The following BTD variants were observed in gnomAD, a reference collection of about 807,000 sequenced individuals.
BTD encodes the protein biocytinase.
Under a neutral mutation model 17.7 loss-of-function variants are expected in BTD, and 13 were observed. That is an observed-to-expected ratio of 0.74 (90% CI 0.48 to 1.17). The LOEUF is 1.17. BTD is among the 50% of genes most tolerant of loss of function. BTD has a pLI of 0.00. For missense variants in BTD, 674 were observed against 650.4 expected, an observed-to-expected ratio of 1.04 and a Z score of -0.39; for synonymous variants, 240 against 245.2, an observed-to-expected ratio of 0.98 and a Z score of 0.20.
rs1025249803 is a variant in BTD at position 15,631,499 on chromosome 3, G to T, written c.-16-3925G>T. Reference sequence around the variant, plus strand: ...TTAAGATGAATCATTTAGCAAGGTGGGGAAAAATCCCTTGTGTGTAAAAAT... The same window carrying T: ...TTAAGATGAATCATTTAGCAAGGTGTGGAAAAATCCCTTGTGTGTAAAAAT... On this transcript the variant is annotated intron_variant, in intron 1 of 3. Coordinates refer to ENST00000643237, the MANE Select transcript of BTD (RefSeq NM_001370658.1). 6.5e-6 allele frequency: 10 copies of T among 1,531,410 alleles called. No homozygotes were observed. The Admixed American group carries it at 2.0e-4, about 30-fold the overall frequency. The allele number at this position is 1,531,410 out of a possible 1,614,324, so 94.9% of individuals were successfully genotyped here. A position where few individuals can be genotyped will look rare whatever the true frequency, so the allele number is the denominator to read the frequency against.
intron 3 of BTD, chr3:15,685,238 C>T: frequency 6.2e-7 from 1 of 1,613,916 alleles, no homozygotes; most frequent in South Asian, 1.1e-5. Context: ...TTGTAGCAAG[C>T]CCAGTGAAGT....
At chr3:15,696,194 C>T (rs190593875) in intron 3 of BTD, 9 of 1,593,104 alleles carry the variant, frequency 5.6e-6, no homozygotes, top group Non-Finnish European at 7.7e-6. Context: ...TGTATCCTTG[C>T]TTATCACGGA....
At chr3:15,713,458 T>C, downstream of BTD, 6 of 1,204,128 alleles carry the variant, frequency 5.0e-6, no homozygotes, top group South Asian at 8.2e-5. Flanking sequence ...GTGAAATGTC[T>C]AGAAAACTGC....
intron 1 of BTD, among the ~76,000 whole-genome samples, chr3:15,621,039 A>T (rs2064938718): frequency 6.6e-6 from 1 of 152,256 alleles, no homozygotes; most frequent in African/African-American, 2.4e-5. Context: ...CAAGGGCAGG[A>T]GAGGAAGGGT....
intron 1 of BTD, among the ~76,000 whole-genome samples, chr3:15,611,550 G>A (rs2064629803): frequency 6.6e-6 from 1 of 152,112 alleles, no homozygotes; most frequent in African/African-American, 2.4e-5. Context: ...CCTGTTTTGA[G>A]GGTGGAGAAT....
intron 3 of BTD, among the ~76,000 whole-genome samples, chr3:15,700,232 G>C (rs1167107228): frequency 6.6e-6 from 1 of 152,138 alleles, no homozygotes; most frequent in Non-Finnish European, 1.5e-5. Flanking sequence ...TCACTCTTAA[G>C]TGGAAGTTGA....
At chr3:15,714,754 C>T, downstream of BTD, 1 of 785,536 alleles carries the variant, frequency 1.3e-6, no homozygotes, top group East Asian at 3.2e-5. Context: ...ATTTTTATAA[C>T]TATTTTACAT....
chr3:15,689,777 T>C, intron 3 of BTD: 2 of 429,944 alleles, frequency 4.7e-6, no homozygotes, highest in East Asian at 3.7e-5. Flanking sequence ...TGGGTTGATA[T>C]AATACACTGT....
intron 3 of BTD, among the ~76,000 whole-genome samples, chr3:15,665,918 G>C (rs1410037739): frequency 6.6e-6 from 1 of 152,210 alleles, no homozygotes; most frequent in African/African-American, 2.4e-5. Context: ...AGCCCAGCCA[G>C]AGACCCAGCT....
chr3:15,663,697 C>CT (rs1049513336), intron 3 of BTD, among the ~76,000 whole-genome samples: 1 of 151,790 alleles, frequency 6.6e-6, no homozygotes, highest in African/African-American at 2.4e-5. Context: ...TAGTTGTGTC[C>CT]TTTTTTTTCC....
chr3:15,696,093 A>G (rs2069509060), intron 3 of BTD: 2 of 1,304,824 alleles, frequency 1.5e-6, no homozygotes, highest in Admixed American at 2.1e-5. Context: ...ATTAGACTAT[A>G]AACTCCCATT....
At chr3:15,663,066 T>C (rs2065941766) in intron 3 of BTD, among the ~76,000 whole-genome samples, 1 of 152,028 alleles carries the variant, frequency 6.6e-6, no homozygotes, top group African/African-American at 2.4e-5. Context: ...GGCGTGATCT[T>C]GGCTTACTGA....
chr3:15,706,909 T>C (rs2071517371), intron 3 of BTD, among the ~76,000 whole-genome samples: 1 of 152,166 alleles, frequency 6.6e-6, no homozygotes, highest in Non-Finnish European at 1.5e-5. Flanking sequence ...TGTCTGTTCA[T>C]ATCCTTCACC....
At chr3:15,690,191 T>C (rs758711890) in intron 3 of BTD, 1 of 1,605,302 alleles carries the variant, frequency 6.2e-7, no homozygotes. Context: ...GTACCAACAC[T>C]TCCAGTGCTT....
chr3:15,674,845 G>A (rs1228911248), intron 3 of BTD, among the ~76,000 whole-genome samples: 1 of 152,168 alleles, frequency 6.6e-6, no homozygotes, highest in East Asian at 1.9e-4. Context: ...GCCAAAAGCT[G>A]ATCTATCAAG....
chr3:15,601,630 G>A (rs752352084), upstream of BTD: 20 of 1,556,282 alleles, frequency 1.3e-5, no homozygotes, highest in Non-Finnish European at 1.6e-5. Flanking sequence ...GTCTAAATTC[G>A]TCCACTTCCC....
chr3:15,626,165 T>C (rs772574292), intron 1 of BTD, among the ~76,000 whole-genome samples: 29 of 152,226 alleles, frequency 1.9e-4, no homozygotes, highest in Non-Finnish European at 3.2e-4. Flanking sequence ...TTATTCCTGT[T>C]GTTATTCATC....
intron 3 of BTD, among the ~76,000 whole-genome samples, chr3:15,671,619 G>A (rs898408036): frequency 8.3e-5 from 12 of 145,116 alleles, no homozygotes; most frequent in African/African-American, 2.7e-4. Context: ...GAGTCTGCTC[G>A]GTCACCCAAG....
chr3:15,715,993 TC>T (rs1367769477), downstream of BTD, among the ~76,000 whole-genome samples: 6 of 151,252 alleles, frequency 4.0e-5, no homozygotes, highest in Non-Finnish European at 7.4e-5. Flanking sequence ...TTTTTTTCTC[TC>T]TTTTTTTTTT....
Sources: gnomAD v4.1 joint callset for allele counts (sites outside exome capture counted in the v4.1 genomes callset) on GRCh38, gnomAD v4.1.1 for gene constraint, MANE v1.5 for transcripts, NCBI Gene and HGNC (gene_info 2026-07-23, HGNC 2026-07-21) for gene names.